Variants in SYNE2 observed in about 807,000 individuals in gnomAD.
The protein encoded by SYNE2 is spectrin repeat containing nuclear envelope protein 2, also known as nesprin-2.
SYNE2 carries 431 observed loss-of-function variants against 856.3 expected under a neutral mutation model. The ratio of observed to expected loss-of-function variants is 0.50; its 90% confidence interval spans 0.47 to 0.55. The LOEUF is 0.55. SYNE2 is among the 20% of genes least tolerant of loss of function. SYNE2 has a pLI of 0.00. For missense variants in SYNE2, 8,129 were observed against 8,023.2 expected (o/e 1.01, Z -0.50); for synonymous variants, 2,923 against 2,872.3 (o/e 1.02, Z -0.56).
chr14:64,138,676 C>A (rs2098115320), intron 79 of SYNE2, among the ~76,000 whole-genome samples: 1 of 151,996 alleles, frequency 6.6e-6, no homozygotes, highest in Admixed American at 6.6e-5. Context: ...TTGAAATAGG[C>A]TTTTGAGTTC....
intron 55 of SYNE2, 67 bp downstream of exon 55, chr14:64,078,673 T>C (rs543379526): frequency 1.3e-6 from 2 of 1,578,558 alleles, no homozygotes; most frequent in Middle Eastern, 3.3e-4. Flanking sequence ...TGTTCATCAG[T>C]CACCACAGGG....
At chr14:63,858,572 A>G (rs1892579789) in intron 1 of SYNE2, among the ~76,000 whole-genome samples, 1 of 151,604 alleles carries the variant, frequency 6.6e-6, no homozygotes, top group African/African-American at 2.4e-5. Flanking sequence ...GCGTGCCACC[A>G]CTCTCAGCCT....
chr14:63,993,978 A>G lies in SYNE2; in HGVS notation c.2781+9A>G. ...TCTGTGCCAAATGGGAGGTAAGAAC[A>G]TGCATATGTTTCTGAACTTACGTTT... is the stretch of plus-strand genomic sequence containing the variant. On this transcript the variant is annotated intron_variant, in intron 22 of 115. Transcript: ENST00000555002. 1.2e-6 allele frequency: 2 copies of G among 1,613,598 alleles called. No individual in the cohort carries two copies. The highest frequency in any genetic ancestry group is 1.7e-6 in the Non-Finnish European group (2 of 1,179,628).
At position 64,004,577 on chromosome 14, in the gene SYNE2, G is replaced by T. The variant is rs145855543; in HGVS notation, c.4397+1247G>T. Among the ~76,000 whole-genome samples the T allele has an allele frequency of 5.3e-5, 8 of 152,144 alleles. No homozygotes were observed. In the East Asian group the frequency reaches 1.5e-3, roughly 29 times the overall value. ...ACTCCTCACCTCAGGTCATCCACCC[G>T]CTTTAACCTCCCAAAGTGTTGGGAT... On this transcript the variant is annotated intron_variant, in intron 30 of 115. Transcript: ENST00000555002.
chr14:64,017,613 G>A lies in SYNE2; in HGVS notation c.4906G>A (p.Asp1636Asn), dbSNP rs1030213853. 75 of 1,612,502 alleles carry A rather than the reference G, an allele frequency of 4.7e-5. No individual in the cohort carries two copies. Among genetic ancestry groups the A allele is most frequent in the Non-Finnish European group, 6.3e-5 (74 of 1,179,170 alleles). Residue 1636 changes from aspartate to asparagine, a missense_variant, in exon 34 of 116, where the codon GAT (aspartate) becomes AAT (asparagine). Around this residue, in one of 3 missense-constraint regions of SYNE2, gnomAD observed 2,422 missense variants for 2,357.4 expected, o/e 1.03. Coordinates refer to ENST00000555002, the MANE Select transcript of SYNE2 (RefSeq NM_182914.3). ...RWLDINEKTE[D>N]YYENLGRALA... ...ATGGTAGATAAATGAGAAGACAGAA[G>A]ATTACTATGAAAATCTTGGTCGAGC...
At position 63,953,539 on chromosome 14, in the gene SYNE2, G is replaced by GATAGATAGAT. The variant is rs1566897832; in HGVS notation, c.591-1179_591-1178insTAGATAGATA. ...ATTGATAAATAGATAGATAGAGAGA[G>GATAGATAGAT]AGAGAGATAGATAGATAGATAGATA... On this transcript the variant is annotated intron_variant, in intron 7 of 115. Coordinates refer to ENST00000555002, the MANE Select transcript of SYNE2 (RefSeq NM_182914.3). Among the ~76,000 whole-genome samples the GATAGATAGAT allele has an allele frequency of 4.8e-3, 628 of 131,366 alleles. 2 individuals are homozygous for GATAGATAGAT. The highest frequency in any genetic ancestry group is 0.017 in the African/African-American group (573 of 33,412). The allele number at this position is 131,366 out of a possible 152,430, so 86.2% of individuals were successfully genotyped here. A position where few individuals can be genotyped will look rare whatever the true frequency, so the allele number is the denominator to read the frequency against.
At chr14:63,956,863 G>A (rs2096247217) in intron 8 of SYNE2, among the ~76,000 whole-genome samples, 1 of 152,040 alleles carries the variant, frequency 6.6e-6, no homozygotes, top group South Asian at 2.1e-4. Context: ...GTATACCAAG[G>A]AGAACTGTAT....
chr14:64,211,852 C>T, intron 103 of SYNE2, 109 bp from the exon 104 acceptor site: 1 of 1,519,280 alleles, frequency 6.6e-7, no homozygotes, highest in South Asian at 1.1e-5. Flanking sequence ...GCAGATTTCT[C>T]CCTGAGTATT....
At chr14:64,026,444 T>C in intron 41 of SYNE2, 135 bp from the exon 42 acceptor site, 1 of 709,884 alleles carries the variant, frequency 1.4e-6, no homozygotes, top group South Asian at 1.7e-5. Flanking sequence ...TTCGGGTACA[T>C]ATAAAAATGA....
At chr14:64,197,604 A>C (rs978097502) in intron 99 of SYNE2, among the ~76,000 whole-genome samples, 1 of 152,180 alleles carries the variant, frequency 6.6e-6, no homozygotes, top group Non-Finnish European at 1.5e-5. Context: ...TTTCCTTAGT[A>C]TTTTTTAAAT....
chr14:64,009,156 A>G (rs2096823773), intron 31 of SYNE2, among the ~76,000 whole-genome samples: 1 of 152,190 alleles, frequency 6.6e-6, no homozygotes, highest in Non-Finnish European at 1.5e-5. Context: ...GCCCACATGT[A>G]GTAGAAACCA....
At chr14:63,856,231 G>A (rs544590059) in intron 1 of SYNE2, among the ~76,000 whole-genome samples, 1 of 152,328 alleles carries the variant, frequency 6.6e-6, no homozygotes, top group Non-Finnish European at 1.5e-5. Context: ...AATTAACATG[G>A]AATCCTCATA....
chr14:63,972,187 C>T (rs995745399), intron 11 of SYNE2, among the ~76,000 whole-genome samples: 2 of 152,120 alleles, frequency 1.3e-5, no homozygotes, highest in Non-Finnish European at 2.9e-5. Context: ...CGCTTTGAAA[C>T]GGACTCTTGT....
Position 64,089,701 on chromosome 14 carries a change from G to C in SYNE2, c.11793+5G>C, listed in dbSNP as rs370250427. 6.4e-6 allele frequency: 10 copies of C among 1,554,332 alleles called. No homozygotes were observed. In the African/African-American group the frequency reaches 1.2e-4, roughly 19 times the overall value. ...GAACATCTCAAACATGGGGAGGTAAGCATAGATTATTATTTAAAGTATTTT... is the reference window on the plus strand; with the variant it reads ...GAACATCTCAAACATGGGGAGGTAACCATAGATTATTATTTAAAGTATTTT... On this transcript the variant is annotated splice_donor_5th_base_variant and intron_variant, in intron 59 of 115. Transcript: ENST00000555002.
At chr14:63,975,237 T>A (rs1194445781) in intron 11 of SYNE2, among the ~76,000 whole-genome samples, 1 of 152,112 alleles carries the variant, frequency 6.6e-6, no homozygotes, top group Non-Finnish European at 1.5e-5. Flanking sequence ...TCACCTTCTT[T>A]CCATTCTCCT....
At chr14:64,161,803 G>A (rs1487434170) in intron 87 of SYNE2, among the ~76,000 whole-genome samples, 2 of 151,712 alleles carry the variant, frequency 1.3e-5, no homozygotes, top group African/African-American at 4.8e-5. Flanking sequence ...AAAAGAGAGT[G>A]AAACATTCAT....
intron 45 of SYNE2, among the ~76,000 whole-genome samples, chr14:64,035,544 T>C (rs534581613): frequency 6.8e-6 from 1 of 147,432 alleles, no homozygotes; most frequent in Non-Finnish European, 1.5e-5. Flanking sequence ...TTGCCATCTA[T>C]AAACAACGTG....
In SYNE2 at chr14:64,126,431, G is replaced by A; in HGVS notation, c.13659G>A (p.Met4553Ile). The stretch of plus-strand genomic sequence containing the variant: ...GCAGTGTGGAGGAGATGCTGGAGAT[G>A]CCCAGACTTTACAGGGAGGATGGTT... ...CLSSVEEMLE[M>I]PRLYREDGSG... Residue 4553 changes from methionine (M) to isoleucine (I), a missense_variant, in exon 72 of 116, where the codon ATG (methionine) becomes ATA (isoleucine). Around this residue, in one of 3 missense-constraint regions of SYNE2, gnomAD observed 5,410 missense variants for 5,284.8 expected, o/e 1.02. Transcript: ENST00000555002. 6.2e-7 allele frequency: 1 copy of A among 1,614,128 alleles called. No homozygotes were observed. Among genetic ancestry groups the A allele is most frequent in the Non-Finnish European group, 8.5e-7 (1 of 1,180,014 alleles).
At chr14:63,762,842 A>T (rs1886540596) in intron 1 of SYNE2, among the ~76,000 whole-genome samples, 1 of 152,164 alleles carries the variant, frequency 6.6e-6, no homozygotes, top group Non-Finnish European at 1.5e-5. Flanking sequence ...GAGAAAAAAA[A>T]TGCAAATTTG....
Sources: gnomAD v4.1 joint callset for allele counts (sites outside exome capture counted in the v4.1 genomes callset) on GRCh38, gnomAD v4.1.1 for gene constraint, gnomAD v4.1.1 regional missense constraint, MANE v1.5 for transcripts, NCBI Gene and HGNC (gene_info 2026-07-23, HGNC 2026-07-21) for gene names.